The following ITCH variants were observed in gnomAD, a reference collection of about 807,000 sequenced individuals.
ITCH encodes the protein itchy E3 ubiquitin protein ligase.
In ITCH, 28 loss-of-function variants were observed where a neutral mutation model predicts 126.8. The ratio of observed to expected loss-of-function variants is 0.22; its 90% CI spans 0.16 to 0.30. The LOEUF (loss-of-function observed/expected upper bound fraction) is 0.30, where lower values mean the gene tolerates loss of function less well. Ranked by LOEUF, ITCH falls within the 10% of genes least tolerant of loss-of-function variation. The pLI is 1.00. For synonymous variants in ITCH, 342 were observed against 340.0 expected (o/e 1.01, Z -0.06); for missense variants, 631 against 1,032.4 (o/e 0.61, Z 5.33).
chr20:34,504,192 AATTAGTAAGATG>A lies in ITCH; in HGVS notation c.2417-136_2417-125del. Reference sequence around the variant, plus strand: ...CACCACACCTAACCCAGAGTTTCTGAATTAGTAAGATGATGTGTGGGGCCTGAGGATTTATGG... The same window carrying A: ...CACCACACCTAACCCAGAGTTTCTGAATGTGTGGGGCCTGAGGATTTATGG... On this transcript the variant is annotated intron_variant, in intron 23 of 24. Coordinates refer to ENST00000374864, the MANE Select transcript of ITCH (RefSeq NM_031483.7). 2.8e-6 allele frequency: 2 copies of A among 714,664 alleles called. 1 individual carries two copies. The highest frequency in any genetic ancestry group is 3.0e-5 in the South Asian group (2 of 66,728). 44.3% of individuals were successfully genotyped at this position (714,664 alleles called of 1,614,324 possible). A position where few individuals can be genotyped will look rare whatever the true frequency, so the allele number is the denominator to read the frequency against.
chr20:34,381,915 A>G (rs948833179), intron 2 of ITCH, among the ~76,000 whole-genome samples: 3 of 152,016 alleles, frequency 2.0e-5, no homozygotes, highest in East Asian at 3.9e-4. Flanking sequence ...CAATTTCTCA[A>G]TTGTTTTCTT....
intron 24 of ITCH, among the ~76,000 whole-genome samples, chr20:34,507,024 A>G (rs985647771): frequency 6.6e-6 from 1 of 152,224 alleles, no homozygotes; most frequent in East Asian, 1.9e-4. Context: ...TGCTATAAAC[A>G]TAGGTATACT....
chr20:34,385,357 C>T (rs1416410993), intron 2 of ITCH, among the ~76,000 whole-genome samples: 3 of 151,516 alleles, frequency 2.0e-5, no homozygotes, highest in Non-Finnish European at 4.4e-5. Context: ...AGCATCACCT[C>T]TGGCCAGAAA....
chr20:34,475,197 C>G (rs1001035186), intron 16 of ITCH, among the ~76,000 whole-genome samples: 1 of 152,068 alleles, frequency 6.6e-6, no homozygotes, highest in Non-Finnish European at 1.5e-5. Context: ...AGGGGCTCCT[C>G]ACATCCCAGA....
chr20:34,385,139 C>T (rs978811898), intron 2 of ITCH, among the ~76,000 whole-genome samples: 7 of 150,268 alleles, frequency 4.7e-5, no homozygotes, highest in Admixed American at 2.7e-4. Flanking sequence ...CTCAGCCTAC[C>T]GAGGAGCTGG....
At chr20:34,428,292 G>A (rs926444425) in intron 7 of ITCH, among the ~76,000 whole-genome samples, 4 of 152,214 alleles carry the variant, frequency 2.6e-5, no homozygotes, top group South Asian at 4.1e-4. Flanking sequence ...AAAAGGCAGG[G>A]AAGTATATAT....
intron 10 of ITCH, among the ~76,000 whole-genome samples, chr20:34,442,992 T>A (rs998346171): frequency 6.7e-6 from 1 of 150,344 alleles, no homozygotes; most frequent in African/African-American, 2.4e-5. Context: ...AAAAAAAAAA[T>A]TTCCTTAACT....
chr20:34,375,428 T>C (rs1020921306), intron 2 of ITCH, among the ~76,000 whole-genome samples: 2 of 150,536 alleles, frequency 1.3e-5, no homozygotes, highest in Non-Finnish European at 3.0e-5. Flanking sequence ...TTCCACAACA[T>C]GTACATATTT....
At position 34,438,502 on chromosome 20, in the gene ITCH, G is replaced by C. The variant is rs775855652; in HGVS notation, c.550G>C (p.Glu184Gln). 1 of 1,613,952 alleles carries C rather than the reference G, an allele frequency of 6.2e-7. No homozygotes were observed. The highest frequency in any genetic ancestry group is 8.5e-7 in the Non-Finnish European group (1 of 1,179,984). The change falls in exon 8 of 25, where the codon GAA becomes CAA. Residue 184 changes from glutamate (E) to glutamine (Q), a missense_variant. Around this residue, in one of 4 missense-constraint regions of ITCH, gnomAD observed 220 missense variants for 265.7 expected, o/e 0.83. Coordinates refer to ENST00000374864, the MANE Select transcript of ITCH (RefSeq NM_031483.7). Reference protein sequence around the residue: ...RVSTNGSDDPEDAGAGENRRV... With the variant: ...RVSTNGSDDPQDAGAGENRRV... ...GAGCACAAATGGATCAGATGACCCT[G>C]AAGATGCAGGAGCTGGTGAAAATAG... is the stretch of plus-strand genomic sequence containing the variant.
intron 1 of ITCH, among the ~76,000 whole-genome samples, chr20:34,364,100 T>A (rs902302935): frequency 2.0e-5 from 3 of 152,274 alleles, no homozygotes; most frequent in Non-Finnish European, 4.4e-5. Flanking sequence ...ACTCAAGTTT[T>A]CCAAGACAGT....
chr20:34,466,159 A>G (rs945463127), intron 14 of ITCH, among the ~76,000 whole-genome samples: 34 of 146,392 alleles, frequency 2.3e-4, no homozygotes, highest in African/African-American at 7.8e-4. Context: ...CTTTTTTGGT[A>G]TCAATTGAGA....
intron 3 of ITCH, among the ~76,000 whole-genome samples, chr20:34,404,876 G>A (rs2039005049): frequency 6.6e-6 from 1 of 152,106 alleles, no homozygotes; most frequent in Non-Finnish European, 1.5e-5. Flanking sequence ...GCTCATGCCT[G>A]TAATTCCACC....
At chr20:34,438,444 C>T (rs1370386494) in intron 7 of ITCH, 30 bp from the exon 8 acceptor site, 3 of 1,610,770 alleles carry the variant, frequency 1.9e-6, no homozygotes, top group South Asian at 2.2e-5. Flanking sequence ...ATTTCCCTCT[C>T]CCCCTTCCTT....
At chr20:34,506,384 G>C (rs1442627015) in intron 24 of ITCH, among the ~76,000 whole-genome samples, 1 of 152,214 alleles carries the variant, frequency 6.6e-6, no homozygotes, top group African/African-American at 2.4e-5. Flanking sequence ...TTGTAAAATT[G>C]AAATGGTACC....
In ITCH at chr20:34,507,878, G is replaced by T. The variant is rs1978334920; in HGVS notation, c.*84G>T. 2 of 942,888 alleles carry T rather than the reference G, an allele frequency of 2.1e-6. No homozygotes were observed. The highest frequency in any genetic ancestry group is 3.3e-5 in the African/African-American group (2 of 61,410). The allele number at this position is 942,888 out of a possible 1,614,324, so 58.4% of individuals were successfully genotyped here. On this transcript the variant is annotated 3_prime_UTR_variant, in exon 25 of 25. Transcript: ENST00000374864. ...TGCCTGTTGCACATCTTGTAAAATT[G>T]GACAATGGCTCTTTAGAGAGTTATC...
intron 10 of ITCH, among the ~76,000 whole-genome samples, chr20:34,443,590 A>C (rs1984052092): frequency 6.6e-6 from 1 of 152,178 alleles, no homozygotes; most frequent in African/African-American, 2.4e-5. Context: ...AAAATACTTA[A>C]CCTTGTTAGT....
chr20:34,439,791 T>G (rs796321603), intron 8 of ITCH, among the ~76,000 whole-genome samples: 23 of 152,334 alleles, frequency 1.5e-4, no homozygotes, highest in African/African-American at 5.5e-4. Flanking sequence ...CTGCACGGTT[T>G]CACAGGAAAG....
chr20:34,393,236 T>G (rs2038549798), intron 2 of ITCH, among the ~76,000 whole-genome samples: 1 of 152,182 alleles, frequency 6.6e-6, no homozygotes, highest in African/African-American at 2.4e-5. Context: ...TTTGGTCAGG[T>G]GTGGTGGCTC....
chr20:34,492,813 T>C (rs1056254996), intron 23 of ITCH, among the ~76,000 whole-genome samples: 1 of 152,246 alleles, frequency 6.6e-6, no homozygotes, highest in African/African-American at 2.4e-5. Context: ...AGCTAACTCA[T>C]TAGGACAGCA....
Sources: allele counts gnomAD v4.1 joint callset (sites outside exome capture counted in the v4.1 genomes callset), GRCh38; gene constraint gnomAD v4.1.1; regional missense constraint gnomAD v4.1.1; transcripts MANE v1.5; gene names NCBI Gene and HGNC (gene_info 2026-07-23, HGNC 2026-07-21).